The following RREB1 variants were observed in gnomAD, a reference collection of about 807,000 sequenced individuals.
The protein encoded by RREB1 is ras-responsive element-binding protein 1.
Under a neutral mutation model 117.8 loss-of-function variants are expected in RREB1, and 27 were observed. The ratio of observed to expected loss-of-function variants is 0.23; its 90% CI spans 0.17 to 0.32. The LOEUF is 0.32. Ranked by LOEUF, RREB1 falls within the 10% of genes least tolerant of loss-of-function variation. The pLI is 1.00. For synonymous variants in RREB1, 1,298 were observed against 1,026.7 expected, an observed-to-expected ratio of 1.26 and a Z score of -5.05; for missense variants, 2,577 against 2,378.2, an observed-to-expected ratio of 1.08 and a Z score of -1.74.
intron 8 of RREB1, among the ~76,000 whole-genome samples, chr6:7,220,382 C>G (rs188744561): frequency 3.3e-4 from 50 of 152,200 alleles, no homozygotes; most frequent in South Asian, 1.7e-3. Context: ...CGTGTGTAAT[C>G]TAACCTTAAT....
chr6:7,235,286 C>G (rs570135942), intron 10 of RREB1, among the ~76,000 whole-genome samples: 4 of 152,250 alleles, frequency 2.6e-5, no homozygotes, highest in South Asian at 2.1e-4. Flanking sequence ...GCCCCTCAGC[C>G]CACAGACCTG....
At position 7,141,704 on chromosome 6, in the gene RREB1, C is replaced by T. The variant is rs182379089; in HGVS notation, c.-285+33644C>T. Among the ~76,000 whole-genome samples, 694 of 152,350 alleles carry T rather than the reference C, an allele frequency of 4.6e-3. 5 individuals are homozygous for T. The highest frequency in any genetic ancestry group is 5.7e-3 in the Non-Finnish European group (391 of 68,028). ...TTTGTTTAAAAGAAAAACCACGTATCTAGAAAATGCTCCTTTAAGCCTTTT... is the reference window on the plus strand; with the variant it reads ...TTTGTTTAAAAGAAAAACCACGTATTTAGAAAATGCTCCTTTAAGCCTTTT... On this transcript the variant is annotated intron_variant, in intron 1 of 12. Coordinates refer to ENST00000379938, the MANE Select transcript of RREB1 (RefSeq NM_001003699.4).
At chr6:7,157,458 A>G (rs1196454091) in intron 1 of RREB1, among the ~76,000 whole-genome samples, 5 of 151,596 alleles carry the variant, frequency 3.3e-5, no homozygotes, top group East Asian at 3.9e-4. Flanking sequence ...TTGAGTGCCT[A>G]CTGTGTGCAC....
intron 6 of RREB1, among the ~76,000 whole-genome samples, chr6:7,195,305 A>C (rs1337364974): frequency 6.6e-6 from 1 of 152,242 alleles, no homozygotes; most frequent in Non-Finnish European, 1.5e-5. Flanking sequence ...TTGGTAAATC[A>C]CATAAAAGTC....
At chr6:7,123,454 G>T (rs990656596) in intron 1 of RREB1, among the ~76,000 whole-genome samples, 3 of 152,094 alleles carry the variant, frequency 2.0e-5, no homozygotes, top group African/African-American at 4.8e-5. Flanking sequence ...GAGCCACCAC[G>T]CCTGGCCGAA....
intron 12 of RREB1, among the ~76,000 whole-genome samples, chr6:7,248,184 C>G (rs1425388964): frequency 2.6e-5 from 4 of 152,230 alleles, no homozygotes; most frequent in African/African-American, 9.6e-5. Flanking sequence ...CTGTCCCCCT[C>G]TAGATTCCTT....
chr6:7,248,884 C>A lies in RREB1; in HGVS notation c.5145C>A (p.Asp1715Glu). The A allele has an allele frequency of 6.3e-7, 1 of 1,582,066 alleles. No homozygotes were observed. The highest frequency in any genetic ancestry group is 1.8e-4 in the Middle Eastern group (1 of 5,546). The change falls in exon 13 of 13, where the codon GAC (aspartate) becomes GAA (glutamate). Residue 1715 changes from aspartate (D) to glutamate (E), a missense_variant. Asp to Glu is a conservative substitution (Grantham distance 45). Coordinates refer to ENST00000379938, the MANE Select transcript of RREB1 (RefSeq NM_001003699.4). Reference protein sequence around the residue: ...NPESPAALGQDLLEPRSKRPA... With the variant: ...NPESPAALGQELLEPRSKRPA... The stretch of plus-strand genomic sequence containing the variant: ...AGAGCCCGGCGGCCCTGGGGCAGGA[C>A]CTGCTGGAGCCGCGCAGCAAGAGGC...
chr6:7,204,068 G>A (rs1766136669), intron 6 of RREB1, among the ~76,000 whole-genome samples: 1 of 152,234 alleles, frequency 6.6e-6, no homozygotes, highest in Non-Finnish European at 1.5e-5. Context: ...TACAGACTGT[G>A]GGTTTACACT....
chr6:7,242,299 C>T (rs1768756034), intron 11 of RREB1, among the ~76,000 whole-genome samples: 1 of 152,190 alleles, frequency 6.6e-6, no homozygotes, highest in Admixed American at 6.5e-5. Flanking sequence ...GTGGTCTTAG[C>T]TTCGGTTCAG....
At position 7,246,495 on chromosome 6, in the gene RREB1, C is replaced by T; in HGVS notation, c.4045C>T (p.Gln1349Ter). 1 of 1,543,542 alleles carries T rather than the reference C, an allele frequency of 6.5e-7. No individual in the cohort carries two copies. ...AGACCTCACCTCACGGGACAGAGAGCAGCCGTCGGAGGGCGCCACTGAGCT... is the reference window on the plus strand; with the variant it reads ...AGACCTCACCTCACGGGACAGAGAGTAGCCGTCGGAGGGCGCCACTGAGCT... ...VLDLTSRDRE[Q>*]PSEGATELRQ... The change falls in exon 12 of 13, where the codon CAG becomes TAG. Residue 1349 changes from glutamine (Q) to a stop codon, truncating the protein, a stop_gained. Coordinates refer to ENST00000379938, the MANE Select transcript of RREB1 (RefSeq NM_001003699.4). LOFTEE classifies it high-confidence loss of function.
chr6:7,173,996 TC>T lies in RREB1; in HGVS notation c.-284-2657del, dbSNP rs1716193716. ...CTTTCCCTCCTCCCACAGAGGGACTTCCGCCCTCTCTTAGTCCTCCTGCCTC... is the reference window on the plus strand; with the variant it reads ...CTTTCCCTCCTCCCACAGAGGGACTTCGCCCTCTCTTAGTCCTCCTGCCTC... On this transcript the variant is annotated intron_variant, in intron 1 of 12. Transcript: ENST00000379938. Among the ~76,000 whole-genome samples, 5 of 152,218 alleles carry T rather than the reference TC, an allele frequency of 3.3e-5. No homozygotes were observed. The South Asian group carries it at 8.3e-4, about 25-fold the overall frequency.
At chr6:7,202,566 G>A (rs548577095) in intron 6 of RREB1, among the ~76,000 whole-genome samples, 373 of 152,284 alleles carry the variant, frequency 2.4e-3, no homozygotes, top group Admixed American at 5.4e-3. Context: ...ATCACTTTGG[G>A]AATGATGACT....
At chr6:7,147,396 C>T (rs972302490) in intron 1 of RREB1, among the ~76,000 whole-genome samples, 4 of 152,292 alleles carry the variant, frequency 2.6e-5, no homozygotes, top group Non-Finnish European at 4.4e-5. Flanking sequence ...GTTTTCTTTT[C>T]CTTCCTTCTC....
chr6:7,174,079 C>T (rs1294802928), intron 1 of RREB1, among the ~76,000 whole-genome samples: 3 of 152,010 alleles, frequency 2.0e-5, no homozygotes, highest in African/African-American at 2.4e-5. Context: ...GCAGCCTCCA[C>T]CAACAACCAG....
chr6:7,228,806 C>T (rs989080045), intron 9 of RREB1, among the ~76,000 whole-genome samples, 191 bp from the exon 10 acceptor site: 1 of 151,958 alleles, frequency 6.6e-6, no homozygotes, highest in Non-Finnish European at 1.5e-5. Context: ...ACACACCTGG[C>T]TAATTTTTTT....
chr6:7,183,797 G>A (rs1213978565), intron 4 of RREB1: 1 of 152,192 alleles, frequency 6.6e-6, no homozygotes, highest in Non-Finnish European at 1.5e-5. Context: ...AAAACTCAGT[G>A]GGGAGAGAGT....
chr6:7,239,166 C>T (rs906324260), intron 10 of RREB1, among the ~76,000 whole-genome samples: 5 of 152,210 alleles, frequency 3.3e-5, no homozygotes, highest in African/African-American at 1.2e-4. Context: ...GCCAGAGGCC[C>T]CTGTGATCTG....
At chr6:7,174,381 C>T (rs1034918443) in intron 1 of RREB1, among the ~76,000 whole-genome samples, 1 of 152,132 alleles carries the variant, frequency 6.6e-6, no homozygotes, top group Non-Finnish European at 1.5e-5. Flanking sequence ...AAGGTCAAGT[C>T]TCTCAGCCTA....
rs986498011 is a variant in RREB1, at chr6:7,114,474, G to A, written c.-285+6414G>A. On this transcript the variant is annotated intron_variant, in intron 1 of 12. Coordinates refer to ENST00000379938, the MANE Select transcript of RREB1 (RefSeq NM_001003699.4). ...CATTTTTAAGTGTTTCTGGTGGGGG[G>A]GGGGGCGGCAGCGGGGAGCTGCTAC... is the stretch of plus-strand genomic sequence containing the variant. Among the ~76,000 whole-genome samples, 11 of 151,932 alleles carry A rather than the reference G, an allele frequency of 7.2e-5. 1 individual carries two copies. The highest frequency in any genetic ancestry group is 2.7e-4 in the African/African-American group (11 of 41,298).
Sources: gnomAD v4.1 joint callset for allele counts (sites outside exome capture counted in the v4.1 genomes callset) on GRCh38, gnomAD v4.1.1 for gene constraint, MANE v1.5 for transcripts, NCBI Gene and HGNC (gene_info 2026-07-23, HGNC 2026-07-21) for gene names.